Variants in DLC1 observed in about 807,000 individuals in gnomAD.
DLC1 encodes the protein rho GTPase-activating protein 7.
A neutral mutation model predicts 140.3 loss-of-function variants in DLC1; 54 were observed. That is an observed-to-expected ratio of 0.38 (90% confidence interval 0.31 to 0.48). The LOEUF (loss-of-function observed/expected upper bound fraction) is 0.48, where lower values mean the gene tolerates loss of function less well. Ranked by LOEUF, DLC1 falls within the 20% of genes least tolerant of loss-of-function variation. The probability of loss-of-function intolerance (pLI) is 0.96; values close to 1 mark genes in which losing one functional copy is unlikely to be tolerated. For synonymous variants in DLC1, 986 were observed against 728.1 expected, an observed-to-expected ratio of 1.35 and a Z score of -5.70; for missense variants, 2,536 against 1,907.0, an observed-to-expected ratio of 1.33 and a Z score of -6.14.
At chr8:13,126,785 A>G (rs184495988) in intron 5 of DLC1, among the ~76,000 whole-genome samples, 189 of 152,340 alleles carry the variant, frequency 1.2e-3, no homozygotes, top group African/African-American at 3.7e-3. Flanking sequence ...CTCCCGCAAC[A>G]TTGGCTTTTG....
intron 5 of DLC1, among the ~76,000 whole-genome samples, chr8:13,256,301 C>G (rs1222257151): frequency 6.6e-6 from 1 of 152,140 alleles, no homozygotes; most frequent in Non-Finnish European, 1.5e-5. Flanking sequence ...ATTGCAAGAA[C>G]AATGACTTTT....
chr8:13,486,552 A>G (rs1384993824), intron 2 of DLC1, among the ~76,000 whole-genome samples: 1 of 152,208 alleles, frequency 6.6e-6, no homozygotes, highest in African/African-American at 2.4e-5. Flanking sequence ...TGGTACCACG[A>G]CATACCACTA....
chr8:13,228,450 A>G (rs767280927), intron 5 of DLC1, among the ~76,000 whole-genome samples: 3 of 152,210 alleles, frequency 2.0e-5, no homozygotes, highest in Non-Finnish European at 4.4e-5. Context: ...CCAGTTGAAA[A>G]ATGGACAAAG....
chr8:13,272,700 A>T (rs1830989603), intron 5 of DLC1, among the ~76,000 whole-genome samples: 2 of 151,976 alleles, frequency 1.3e-5, no homozygotes, highest in African/African-American at 4.8e-5. Context: ...TCTCTACTAA[A>T]AATACAAAAA....
At chr8:13,224,339 T>C (rs1464738221) in intron 5 of DLC1, among the ~76,000 whole-genome samples, 3 of 152,162 alleles carry the variant, frequency 2.0e-5, no homozygotes. Flanking sequence ...AGGAGCAGAT[T>C]TCAGTCCGGT....
chr8:13,580,537 C>G (rs139881121), intron 1 of DLC1, among the ~76,000 whole-genome samples: 28 of 152,266 alleles, frequency 1.8e-4, no homozygotes, highest in African/African-American at 6.7e-4. Flanking sequence ...TGGTGGGGGT[C>G]ATTGCCTGGA....
intron 5 of DLC1, among the ~76,000 whole-genome samples, chr8:13,292,485 C>G (rs893922571): frequency 3.9e-5 from 6 of 152,182 alleles, no homozygotes; most frequent in Non-Finnish European, 8.8e-5. Context: ...AATAAGCCAG[C>G]TCTCCACTTT....
chr8:13,263,982 T>C (rs1268485776), intron 5 of DLC1, among the ~76,000 whole-genome samples: 1 of 152,020 alleles, frequency 6.6e-6, no homozygotes, highest in Non-Finnish European at 1.5e-5. Flanking sequence ...ACAACATAGA[T>C]GCCTTTCAAC....
intron 2 of DLC1, among the ~76,000 whole-genome samples, chr8:13,478,013 A>G (rs1358496991): frequency 6.6e-6 from 1 of 152,216 alleles, no homozygotes; most frequent in East Asian, 1.9e-4. Flanking sequence ...TGAACATGGT[A>G]CTAGGGAAAA....
At chr8:13,242,413 G>A (rs1349054919) in intron 5 of DLC1, among the ~76,000 whole-genome samples, 1 of 147,834 alleles carries the variant, frequency 6.8e-6, no homozygotes, top group African/African-American at 2.5e-5. Flanking sequence ...TTTTCTCCTT[G>A]GAGACAAGGT....
intron 4 of DLC1, among the ~76,000 whole-genome samples, chr8:13,345,725 T>C (rs1007407146): frequency 6.6e-6 from 1 of 151,704 alleles, no homozygotes; most frequent in Non-Finnish European, 1.5e-5. Context: ...GCCTGGCTCA[T>C]TTTTTATGTT....
At chr8:13,134,248 G>C (rs1362105747) in intron 5 of DLC1, among the ~76,000 whole-genome samples, 1 of 152,170 alleles carries the variant, frequency 6.6e-6, no homozygotes, top group Non-Finnish European at 1.5e-5. Flanking sequence ...AATTTACTTC[G>C]GGGTTAATTG....
chr8:13,267,953 T>G (rs1330019633), intron 5 of DLC1, among the ~76,000 whole-genome samples: 2 of 152,198 alleles, frequency 1.3e-5, no homozygotes, highest in Non-Finnish European at 2.9e-5. Context: ...GATAATTTGT[T>G]TTTATTAAGA....
intron 4 of DLC1, among the ~76,000 whole-genome samples, chr8:13,312,667 A>G (rs918570500): frequency 2.0e-5 from 3 of 152,154 alleles, no homozygotes; most frequent in African/African-American, 4.8e-5. Flanking sequence ...TAATGAATAT[A>G]TTTAAGTACT....
intron 5 of DLC1, chr8:13,276,623 C>A: frequency 8.2e-7 from 1 of 1,215,048 alleles, no homozygotes; most frequent in African/African-American, 1.6e-5. Flanking sequence ...CCGGCGACAC[C>A]CTCGCGGGGC....
At chr8:13,560,891 A>G (rs1015594433) in intron 1 of DLC1, among the ~76,000 whole-genome samples, 1 of 152,040 alleles carries the variant, frequency 6.6e-6, no homozygotes, top group African/African-American at 2.4e-5. Context: ...TCCCCTCACA[A>G]CCCTCAGAAG....
chr8:13,435,126 T>C (rs1471057090), intron 2 of DLC1, among the ~76,000 whole-genome samples: 1 of 152,170 alleles, frequency 6.6e-6, no homozygotes, highest in East Asian at 1.9e-4. Flanking sequence ...TCATGACTCA[T>C]GGAAGGAGGT....
At chr8:13,178,542 C>T (rs1010213616) in intron 5 of DLC1, among the ~76,000 whole-genome samples, 9 of 146,710 alleles carry the variant, frequency 6.1e-5, no homozygotes, top group African/African-American at 2.0e-4. Context: ...ACTGGGACTC[C>T]AGCCTGGGCG....
At chr8:13,544,694 T>TA (rs1803598496) in intron 1 of DLC1, among the ~76,000 whole-genome samples, 1 of 152,176 alleles carries the variant, frequency 6.6e-6, no homozygotes, top group African/African-American at 2.4e-5. Context: ...AAGAATAAGT[T>TA]AAGTCCGATC....
Sources: gnomAD v4.1 joint callset for allele counts (sites outside exome capture counted in the v4.1 genomes callset) on GRCh38, gnomAD v4.1.1 for gene constraint, MANE v1.5 for transcripts, NCBI Gene and HGNC (gene_info 2026-07-23, HGNC 2026-07-21) for gene names.